SMAD3: variants seen among roughly 807,000 people sequenced by gnomAD.
SMAD3 encodes SMAD family member 3.
SMAD3 carries 12 observed loss-of-function variants against 51.8 expected under a neutral mutation model. That is an observed-to-expected ratio of 0.23 (90% CI 0.15 to 0.38). SMAD3 has a LOEUF of 0.38. Ranked by LOEUF, SMAD3 falls within the 10% of genes least tolerant of loss-of-function variation. The pLI is 1.00. For synonymous variants in SMAD3, 238 were observed against 227.7 expected, an observed-to-expected ratio of 1.05 and a Z score of -0.41; for missense variants, 294 against 565.6, an observed-to-expected ratio of 0.52 and a Z score of 4.87.
At chr15:67,183,019 ATATATATATATAT>A (rs1963118619) in intron 6 of SMAD3, among the ~76,000 whole-genome samples, 1 of 73,592 alleles carries the variant, frequency 1.4e-5, no homozygotes, top group African/African-American at 6.6e-5. Context: ...ATATATATAT[ATATATATATATAT>A]TTTTTTTTTT....
intron 8 of SMAD3, among the ~76,000 whole-genome samples, chr15:67,189,324 C>A (rs1413313644): frequency 1.3e-5 from 2 of 152,144 alleles, no homozygotes; most frequent in African/African-American, 2.4e-5. Context: ...GCTACACAAG[C>A]AAAGTAGAGG....
At chr15:67,100,466 C>G (rs1199781861) in intron 1 of SMAD3, among the ~76,000 whole-genome samples, 1 of 151,952 alleles carries the variant, frequency 6.6e-6, no homozygotes, top group Non-Finnish European at 1.5e-5. Context: ...TGTGAATGAA[C>G]TCAATGCCAC....
intron 1 of SMAD3, among the ~76,000 whole-genome samples, chr15:67,067,183 GCCTCGCATCGGC>G (rs1486381260): frequency 2.6e-5 from 4 of 152,148 alleles, no homozygotes; most frequent in Non-Finnish European, 5.9e-5. Flanking sequence ...CCCAAAGTGG[GCCTCGCATCGGC>G]CCTCGCATTC....
intron 1 of SMAD3, among the ~76,000 whole-genome samples, chr15:67,126,627 G>A (rs1007872264): frequency 9.9e-5 from 15 of 152,142 alleles, no homozygotes; most frequent in Non-Finnish European, 1.9e-4. Context: ...CCCCATAAAT[G>A]CCAGCTCCCC....
Position 67,181,437 on chromosome 15 carries a change from G to A in SMAD3, c.855G>A (p.Leu285=), listed in dbSNP as rs756530470. 4 of 1,613,252 alleles carry A rather than the reference G, an allele frequency of 2.5e-6. No homozygotes were observed. The highest frequency in any genetic ancestry group is 3.4e-6 in the Non-Finnish European group (4 of 1,179,944). The change falls in exon 6 of 9, where the codon CTG becomes CTA. Residue 285 remains leucine (L), a synonymous_variant. Transcript: ENST00000327367. ...SNVNRNAAVE[L]TRRHIGRGVR... is the part of the protein sequence containing the mutation. The stretch of plus-strand genomic sequence containing the variant: ...TCAACAGGAATGCAGCAGTGGAGCT[G>A]ACACGGAGACACATCGGTATGGGGT...
At chr15:67,170,283 G>T (rs373270802) in intron 4 of SMAD3, among the ~76,000 whole-genome samples, 2 of 152,176 alleles carry the variant, frequency 1.3e-5, no homozygotes, top group South Asian at 2.1e-4. Context: ...TCTTGGTTAG[G>T]ATCATAAAAC....
chr15:67,137,223 A>G (rs1028514460), intron 1 of SMAD3, among the ~76,000 whole-genome samples: 2 of 152,138 alleles, frequency 1.3e-5, no homozygotes, highest in African/African-American at 2.4e-5. Flanking sequence ...TTTTTTTCCC[A>G]GTAGATGTTC....
At chr15:67,162,632 G>A (rs772412889) in intron 1 of SMAD3, among the ~76,000 whole-genome samples, 11 of 152,060 alleles carry the variant, frequency 7.2e-5, no homozygotes, top group East Asian at 1.9e-4. Flanking sequence ...CCCCGGCCTC[G>A]TCTCAAGCCA....
Position 67,194,595 on chromosome 15 carries a change from A to AT in SMAD3, c.*4067dup, listed in dbSNP as rs1480720744. Reference sequence around the variant, plus strand: ...AACCATTCAGACAGATAACTATTTAATTTTTTTTAAGAAAGTTGGAAAGGT... The same window carrying AT: ...AACCATTCAGACAGATAACTATTTAATTTTTTTTTAAGAAAGTTGGAAAGGT... On this transcript the variant is annotated 3_prime_UTR_variant, in exon 9 of 9. Transcript: ENST00000327367. The AT allele has an allele frequency of 3.5e-5, 8 of 231,520 alleles. No individual in the cohort carries two copies. The highest frequency in any genetic ancestry group is 5.6e-5 in the Admixed American group (1 of 17,724). 14.3% of individuals were successfully genotyped at this position (231,520 alleles called of 1,614,324 possible).
intron 1 of SMAD3, among the ~76,000 whole-genome samples, chr15:67,074,370 A>G (rs768453599): frequency 2.6e-5 from 4 of 152,250 alleles, no homozygotes; most frequent in Non-Finnish European, 5.9e-5. Context: ...GGTAGGCATT[A>G]TAGAGGATAC....
intron 1 of SMAD3, among the ~76,000 whole-genome samples, chr15:67,159,549 C>A (rs1962371729): frequency 3.3e-5 from 5 of 152,148 alleles, no homozygotes; most frequent in Admixed American, 3.3e-4. Context: ...TGCAGTATGA[C>A]AAATGATGAT....
chr15:67,104,251 GCTCA>G (rs984034569), intron 1 of SMAD3, among the ~76,000 whole-genome samples: 11 of 152,172 alleles, frequency 7.2e-5, no homozygotes, highest in African/African-American at 2.7e-4. Context: ...ATTACAAGGT[GCTCA>G]CTGAGTGTTT....
At chr15:67,099,002 T>A in intron 1 of SMAD3, 1 of 702,388 alleles carries the variant, frequency 1.4e-6, no homozygotes, top group South Asian at 1.5e-5. Context: ...ACAGAGCGTA[T>A]GTCCTGAGCG....
chr15:67,165,134 A>G, intron 2 of SMAD3, 46 bp downstream of exon 2: 23 of 1,610,738 alleles, frequency 1.4e-5, no homozygotes, highest in Non-Finnish European at 2.0e-5. Flanking sequence ...GCCAGGGGTC[A>G]TCACCTCTCC....
At chr15:67,167,325 T>C (rs867070998) in intron 4 of SMAD3, among the ~76,000 whole-genome samples, 1 of 151,976 alleles carries the variant, frequency 6.6e-6, no homozygotes, top group Non-Finnish European at 1.5e-5. Flanking sequence ...GTCCAGAGAG[T>C]GTCTAGCCCA....
intron 1 of SMAD3, among the ~76,000 whole-genome samples, chr15:67,067,733 A>C (rs2140190889): frequency 6.6e-6 from 1 of 152,230 alleles, no homozygotes; most frequent in South Asian, 2.1e-4. Context: ...GGATCCAGTC[A>C]ATAAAGGGGG....
chr15:67,130,656 T>C (rs1961503307), intron 1 of SMAD3, among the ~76,000 whole-genome samples: 1 of 152,152 alleles, frequency 6.6e-6, no homozygotes, highest in Non-Finnish European at 1.5e-5. Flanking sequence ...GAAAGAGAAT[T>C]TGCACGTAGC....
At chr15:67,100,181 A>AC (rs1960718925) in intron 1 of SMAD3, among the ~76,000 whole-genome samples, 1 of 2,086 alleles carries the variant, frequency 4.8e-4, no homozygotes, top group Middle Eastern at 0.17. Flanking sequence ...AACTCCATCT[A>AC]AAAAAAAAAA....
At chr15:67,162,841 C>T (rs143607835) in intron 1 of SMAD3, among the ~76,000 whole-genome samples, 368 of 152,114 alleles carry the variant, frequency 2.4e-3, no homozygotes, top group African/African-American at 8.4e-3. Context: ...CTCTGAGATG[C>T]CCTGTCCAGT....
Sources: gnomAD v4.1 joint callset for allele counts (sites outside exome capture counted in the v4.1 genomes callset) on GRCh38, gnomAD v4.1.1 for gene constraint, MANE v1.5 for transcripts, NCBI Gene and HGNC (gene_info 2026-07-23, HGNC 2026-07-21) for gene names.